The following XIRP2 variants were observed in gnomAD, a reference collection of about 807,000 sequenced individuals.
The protein encoded by XIRP2 is xin actin binding repeat containing 2.
XIRP2 carries 236 observed loss-of-function variants against 277.0 expected under a neutral mutation model. The ratio of observed to expected loss-of-function variants is 0.85; its 90% confidence interval spans 0.77 to 0.95. XIRP2 has a LOEUF of 0.95. Ranked by LOEUF, XIRP2 falls within the 40% of genes least tolerant of loss-of-function variation. XIRP2 has a pLI of 0.00. For missense variants in XIRP2, 4,640 were observed against 4,157.5 expected (o/e 1.12, Z -3.19); for synonymous variants, 1,490 against 1,416.5 (o/e 1.05, Z -1.17).
intron 2 of XIRP2, among the ~76,000 whole-genome samples, chr2:167,117,914 T>A (rs1005772160): frequency 2.0e-5 from 3 of 152,232 alleles, no homozygotes; most frequent in Admixed American, 6.5e-5. Flanking sequence ...TTCCGGTAAG[T>A]TGTCTCTTAT....
intron 2 of XIRP2, among the ~76,000 whole-genome samples, chr2:167,048,950 C>G (rs1455242512): frequency 2.6e-5 from 4 of 151,858 alleles, no homozygotes. Flanking sequence ...CTTTCCTGCC[C>G]AGCACTGTAA....
chr2:167,179,898 C>T (rs1226376378), intron 3 of XIRP2, among the ~76,000 whole-genome samples: 1 of 152,082 alleles, frequency 6.6e-6, no homozygotes, highest in Non-Finnish European at 1.5e-5. Flanking sequence ...TCCTTTCGCC[C>T]CACACACCCA....
intron 2 of XIRP2, among the ~76,000 whole-genome samples, chr2:166,983,774 T>C (rs1475208876): frequency 6.6e-6 from 1 of 152,212 alleles, no homozygotes; most frequent in East Asian, 1.9e-4. Context: ...GAGTTCTCTT[T>C]TTACAAATAG....
chr2:166,948,509 T>G (rs1431988532), intron 2 of XIRP2, among the ~76,000 whole-genome samples: 2 of 152,090 alleles, frequency 1.3e-5, no homozygotes, highest in Admixed American at 1.3e-4. Flanking sequence ...TTTATGTACC[T>G]CAGAAATTTT....
chr2:167,207,641 T>C (rs891121640), intron 3 of XIRP2, among the ~76,000 whole-genome samples: 26 of 152,310 alleles, frequency 1.7e-4, no homozygotes, highest in Admixed American at 2.6e-4. Flanking sequence ...AGTTTGTTTT[T>C]AAAAACTGCA....
intron 2 of XIRP2, among the ~76,000 whole-genome samples, chr2:167,014,667 G>T (rs1687773047): frequency 6.6e-6 from 1 of 151,752 alleles, no homozygotes; most frequent in South Asian, 2.1e-4. Context: ...CAGAGTTAAA[G>T]CTGTGAAATG....
At position 167,249,213 on chromosome 2, in the gene XIRP2, G is replaced by A; in HGVS notation, c.7821G>A (p.Val2607=). The change falls in exon 9 of 11, where the codon GTG becomes GTA. Residue 2607 remains valine (V), a synonymous_variant. Coordinates refer to ENST00000409195, the MANE Select transcript of XIRP2 (RefSeq NM_152381.6). ...SLSGIDSECT[V]VQPSPGSQSN... ...CTGGAATTGATTCAGAATGCACTGT[G>A]GTTCAACCCAGCCCAGGCTCTCAAA... is the stretch of plus-strand genomic sequence containing the variant. The A allele has an allele frequency of 1.2e-6, 2 of 1,613,674 alleles. No homozygotes were observed. Among genetic ancestry groups the A allele is most frequent in the Non-Finnish European group, 1.7e-6 (2 of 1,179,776 alleles).
chr2:167,036,327 C>T (rs529987480), intron 2 of XIRP2, among the ~76,000 whole-genome samples: 16 of 152,170 alleles, frequency 1.1e-4, no homozygotes, highest in Middle Eastern at 3.4e-3. Context: ...GGAGGCTGTA[C>T]CCTGCAAAAG....
At chr2:167,016,388 AC>A (rs1211263089) in intron 2 of XIRP2, among the ~76,000 whole-genome samples, 5 of 151,826 alleles carry the variant, frequency 3.3e-5, no homozygotes, top group African/African-American at 9.7e-5. Context: ...TACAAATCTT[AC>A]ACAGAAGTCT....
intron 2 of XIRP2, among the ~76,000 whole-genome samples, chr2:166,950,388 G>A (rs974842742): frequency 1.3e-5 from 2 of 151,876 alleles, no homozygotes. Context: ...GAGGTCTTGG[G>A]AGTAGTTACT....
intron 5 of XIRP2, among the ~76,000 whole-genome samples, chr2:167,221,086 T>C (rs940333892): frequency 9.2e-5 from 14 of 152,074 alleles, no homozygotes; most frequent in African/African-American, 3.4e-4. Flanking sequence ...GCAATATAAA[T>C]ACAATATAAA....
Position 167,248,641 on chromosome 2 carries a change from G to A in XIRP2, c.7249G>A (p.Gly2417Ser), listed in dbSNP as rs1360074013. The A allele has an allele frequency of 1.4e-5, 22 of 1,613,466 alleles. No individual in the cohort carries two copies. The highest frequency in any genetic ancestry group is 1.7e-5 in the Admixed American group (1 of 59,916). ...GGCTAAAATCATAACAGGAAAAACC[G>A]GTGTGTTGCCACCTCCCACATTGCC... Reference protein sequence around the residue: ...SQAKIITGKTGVLPPPTLPKP... With the variant: ...SQAKIITGKTSVLPPPTLPKP... The change falls in exon 9 of 11, where the codon GGT becomes AGT. Residue 2417 changes from glycine (G) to serine (S), a missense_variant. Coordinates refer to ENST00000409195, the MANE Select transcript of XIRP2 (RefSeq NM_152381.6).
chr2:167,129,568 T>C (rs1454493643), intron 2 of XIRP2, among the ~76,000 whole-genome samples: 3 of 151,992 alleles, frequency 2.0e-5, no homozygotes, highest in Non-Finnish European at 2.9e-5. Context: ...ATTATACATA[T>C]GTTAAAGCAA....
intron 3 of XIRP2, among the ~76,000 whole-genome samples, chr2:167,152,471 C>T (rs369331645): frequency 5.3e-5 from 8 of 152,158 alleles, no homozygotes; most frequent in Middle Eastern, 3.4e-3. Context: ...TTATAAAGTC[C>T]GCTGTGACAC....
rs746918399 is a variant in XIRP2, at chr2:167,251,084, G to T, written c.9692G>T (p.Gly3231Val). The stretch of plus-strand genomic sequence containing the variant: ...CGTCAAATTAAGATAGAAACTCGTG[G>T]TAGGGACTCTCCACCTACAATCACA... Reference protein sequence around the residue: ...LRRQIKIETRGRDSPPTITIP... With the variant: ...LRRQIKIETRVRDSPPTITIP... The change falls in exon 9 of 11, where the codon GGT (glycine) becomes GTT (valine). Residue 3231 changes from glycine to valine, a missense_variant. Coordinates refer to ENST00000409195, the MANE Select transcript of XIRP2 (RefSeq NM_152381.6). 4 of 1,613,616 alleles carry T rather than the reference G, an allele frequency of 2.5e-6. No homozygotes were observed. The South Asian group carries it at 4.4e-5, about 18-fold the overall frequency.
chr2:167,153,365 GT>G (rs75061070), intron 3 of XIRP2, among the ~76,000 whole-genome samples: 16,278 of 147,862 alleles, frequency 0.11, 1,816 homozygotes, highest in African/African-American at 0.29. Context: ...AAATAGTAAA[GT>G]TTTTTTTTTA....
chr2:166,963,328 G>A lies in XIRP2; in HGVS notation c.408+59438G>A, dbSNP rs201274676. Reference sequence around the variant, plus strand: ...CTCTCATTTATTCATTCATTCATTCGTTCATTCATTCATTCATTCTAGCTG... The same window carrying A: ...CTCTCATTTATTCATTCATTCATTCATTCATTCATTCATTCATTCTAGCTG... On this transcript the variant is annotated intron_variant, in intron 2 of 10. Coordinates refer to ENST00000409195, the MANE Select transcript of XIRP2 (RefSeq NM_152381.6). 3.0e-4 allele frequency among the ~76,000 whole-genome samples: 45 copies of A among 151,384 alleles called. No individual in the cohort carries two copies. The East Asian group carries it at 3.5e-3, about 12-fold the overall frequency.
intron 2 of XIRP2, among the ~76,000 whole-genome samples, chr2:167,125,085 C>A (rs1250001427): frequency 2.6e-5 from 4 of 152,182 alleles, no homozygotes; most frequent in African/African-American, 7.2e-5. Context: ...CACATTGTTT[C>A]TCTTGACCCT....
intron 2 of XIRP2, among the ~76,000 whole-genome samples, chr2:166,959,912 G>T (rs920471356): frequency 1.3e-5 from 2 of 151,722 alleles, no homozygotes; most frequent in African/African-American, 4.8e-5. Context: ...AAATGGAGAT[G>T]AATGGTAGCT....
Sources: allele counts gnomAD v4.1 joint callset (sites outside exome capture counted in the v4.1 genomes callset), GRCh38; gene constraint gnomAD v4.1.1; transcripts MANE v1.5; gene names NCBI Gene and HGNC (gene_info 2026-07-23, HGNC 2026-07-21).